Variants in SLC9A9 observed in about 807,000 individuals in gnomAD.
The protein encoded by SLC9A9 is sodium/hydrogen exchanger 9.
Under a neutral mutation model 77.8 loss-of-function variants are expected in SLC9A9, and 62 were observed. The ratio of observed to expected loss-of-function variants is 0.80; its 90% confidence interval spans 0.65 to 0.98. SLC9A9 has a LOEUF of 0.98. Ranked by LOEUF, SLC9A9 falls within the 50% of genes least tolerant of loss-of-function variation. The pLI is 0.00. For synonymous variants in SLC9A9, 320 were observed against 283.5 expected (o/e 1.13, Z -1.29); for missense variants, 775 against 774.9 (o/e 1.00, Z 0.00).
intron 12 of SLC9A9, among the ~76,000 whole-genome samples, chr3:143,447,306 T>A (rs9878539): frequency 0.19 from 28,512 of 152,100 alleles, 2,922 homozygotes; most frequent in East Asian, 0.34. Flanking sequence ...TAGCCAAATG[T>A]TTGTGTTGAG....
chr3:143,405,242 G>A (rs537532135), intron 12 of SLC9A9, among the ~76,000 whole-genome samples: 98 of 152,196 alleles, frequency 6.4e-4, no homozygotes, highest in Non-Finnish European at 1.1e-3. Flanking sequence ...CCACTGAGAT[G>A]TCTATTCATT....
At chr3:143,351,141 AG>A (rs918274760) in intron 14 of SLC9A9, among the ~76,000 whole-genome samples, 2 of 152,208 alleles carry the variant, frequency 1.3e-5, no homozygotes, top group African/African-American at 4.8e-5. Flanking sequence ...ATCACAACCC[AG>A]GGTACATGCA....
At chr3:143,672,220 C>T (rs906411254) in intron 5 of SLC9A9, among the ~76,000 whole-genome samples, 13 of 151,916 alleles carry the variant, frequency 8.6e-5, no homozygotes, top group African/African-American at 2.2e-4. Flanking sequence ...AAAATTATTC[C>T]GTTTTCTCTT....
intron 4 of SLC9A9, among the ~76,000 whole-genome samples, chr3:143,764,924 C>A (rs1004358858): frequency 6.6e-6 from 1 of 151,916 alleles, no homozygotes; most frequent in East Asian, 1.9e-4. Context: ...CCAATTAAAC[C>A]AGGAAACATT....
At chr3:143,284,051 T>C (rs868849630) in intron 14 of SLC9A9, among the ~76,000 whole-genome samples, 2 of 152,108 alleles carry the variant, frequency 1.3e-5, no homozygotes, top group African/African-American at 2.4e-5. Context: ...TTTTTTTTTT[T>C]TAATTTGGTA....
chr3:143,643,838 C>A (rs1342760448), intron 6 of SLC9A9, among the ~76,000 whole-genome samples: 1 of 152,054 alleles, frequency 6.6e-6, no homozygotes, highest in African/African-American at 2.4e-5. Context: ...TGACTCAGAT[C>A]TGACCAGTGA....
At chr3:143,768,305 A>G (rs1455822945) in intron 4 of SLC9A9, among the ~76,000 whole-genome samples, 5 of 152,208 alleles carry the variant, frequency 3.3e-5, no homozygotes, top group African/African-American at 1.2e-4. Flanking sequence ...GGCACTGCAT[A>G]TCTGGCATTA....
At chr3:143,532,805 G>A (rs974418012) in intron 9 of SLC9A9, among the ~76,000 whole-genome samples, 5 of 152,098 alleles carry the variant, frequency 3.3e-5, no homozygotes, top group Non-Finnish European at 5.9e-5. Flanking sequence ...GGGATGCTAG[G>A]GCCCTTCAGT....
intron 6 of SLC9A9, among the ~76,000 whole-genome samples, chr3:143,603,240 C>T (rs541255789): frequency 6.6e-6 from 1 of 152,320 alleles, no homozygotes; most frequent in East Asian, 1.9e-4. Flanking sequence ...ATCTGAGATT[C>T]TAGAAGGACC....
At chr3:143,673,386 C>A (rs190366268) in intron 5 of SLC9A9, among the ~76,000 whole-genome samples, 1 of 152,166 alleles carries the variant, frequency 6.6e-6, no homozygotes, top group East Asian at 1.9e-4. Flanking sequence ...TGATTGTCGA[C>A]ACGAATTACC....
chr3:143,693,048 T>C (rs2108782559), intron 5 of SLC9A9, 144 bp downstream of exon 5: 2 of 664,064 alleles, frequency 3.0e-6, no homozygotes, highest in Non-Finnish European at 2.6e-6. Flanking sequence ...TCTTTTCTTT[T>C]GTAATTACTA....
At chr3:143,780,748 G>A (rs978473794) in intron 4 of SLC9A9, among the ~76,000 whole-genome samples, 6 of 152,148 alleles carry the variant, frequency 3.9e-5, no homozygotes, top group Admixed American at 6.5e-5. Flanking sequence ...ATGCTGCCAC[G>A]AAAACTGGCC....
At chr3:143,677,163 G>A (rs573219984) in intron 5 of SLC9A9, among the ~76,000 whole-genome samples, 79 of 152,194 alleles carry the variant, frequency 5.2e-4, no homozygotes, top group Non-Finnish European at 9.4e-4. Context: ...ATTTTAAGGG[G>A]AGACTGGAAG....
chr3:143,813,996 G>C (rs1168250178), intron 2 of SLC9A9, among the ~76,000 whole-genome samples: 2 of 152,172 alleles, frequency 1.3e-5, no homozygotes, highest in East Asian at 1.9e-4. Context: ...AGAATGGAAA[G>C]AAAGAAACAA....
chr3:143,630,643 A>T (rs1308188996), intron 6 of SLC9A9, among the ~76,000 whole-genome samples: 1 of 152,140 alleles, frequency 6.6e-6, no homozygotes, highest in African/African-American at 2.4e-5. Context: ...GAGTTTACTA[A>T]GTGAAAATTT....
chr3:143,846,549 T>A (rs898282697), intron 1 of SLC9A9, among the ~76,000 whole-genome samples: 1 of 152,056 alleles, frequency 6.6e-6, no homozygotes, highest in African/African-American at 2.4e-5. Context: ...AGTTTTCTTG[T>A]GCCCGTTAAG....
At chr3:143,406,131 T>C (rs930752801) in intron 12 of SLC9A9, among the ~76,000 whole-genome samples, 1 of 152,220 alleles carries the variant, frequency 6.6e-6, no homozygotes, top group Admixed American at 6.5e-5. Flanking sequence ...ACACTCAGGG[T>C]ACTATAGGAT....
intron 10 of SLC9A9, among the ~76,000 whole-genome samples, chr3:143,494,920 C>T (rs2035807468): frequency 6.6e-6 from 1 of 152,180 alleles, no homozygotes. Flanking sequence ...GAGATTTTAT[C>T]ATCTTGCAAT....
Position 143,830,197 on chromosome 3 carries a change from A to G in SLC9A9, c.378+1822T>C, listed in dbSNP as rs2361201. Reference sequence around the variant, plus strand: ...TCCCCTTAAAGCCATGTAATACAGTAAGTATGCTAGTAGATGCCCCTTTCT... The same window carrying G: ...TCCCCTTAAAGCCATGTAATACAGTGAGTATGCTAGTAGATGCCCCTTTCT... On this transcript the variant is annotated intron_variant, in intron 2 of 15. Transcript: ENST00000316549. Among the ~76,000 whole-genome samples the G allele has an allele frequency of 7.9e-3, 1,204 of 152,310 alleles. 15 individuals are homozygous for G. The highest frequency in any genetic ancestry group is 0.027 in the African/African-American group (1,141 of 41,566).
Sources: gnomAD v4.1 joint callset for allele counts (sites outside exome capture counted in the v4.1 genomes callset) on GRCh38, gnomAD v4.1.1 for gene constraint, MANE v1.5 for transcripts, NCBI Gene and HGNC (gene_info 2026-07-23, HGNC 2026-07-21) for gene names.